CKAP2: variants seen among roughly 807,000 people sequenced by gnomAD.
The protein encoded by CKAP2 is cytoskeleton-associated protein 2.
CKAP2 carries 46 observed loss-of-function variants against 58.4 expected under a neutral mutation model. The ratio of observed to expected loss-of-function variants is 0.79; its 90% confidence interval spans 0.62 to 1.01. The LOEUF is 1.01. Among genes scored for constraint, CKAP2 ranks in the 50% least tolerant of loss-of-function variants. The pLI, the probability that CKAP2 is intolerant of heterozygous loss-of-function variation, is 0.00. For missense variants in CKAP2, 809 were observed against 796.4 expected (o/e 1.02, Z -0.19); for synonymous variants, 293 against 280.9 (o/e 1.04, Z -0.43).
chr13:52,460,454 T>C (rs1015358026), intron 2 of CKAP2, among the ~76,000 whole-genome samples: 2 of 148,324 alleles, frequency 1.3e-5, no homozygotes, highest in African/African-American at 5.1e-5. Flanking sequence ...GTTTACACTA[T>C]TTTTTTTTGA....
In CKAP2 at chr13:52,461,679, C is replaced by T; in HGVS notation, c.853C>T (p.His285Tyr). Residue 285 changes from histidine to tyrosine, a missense_variant, in exon 4 of 9, where the codon CAT (histidine) becomes TAT (tyrosine). Physicochemically the swap from His to Tyr is moderately conservative, Grantham distance 83. Around this residue, in one of 3 missense-constraint regions of CKAP2, gnomAD observed 523 missense variants for 492.4 expected, o/e 1.06. Transcript: ENST00000258607. ...SANVTIRKGP[H>Y]EKELLQSKTA... is the part of the protein sequence containing the mutation. ...CAATGTTACAATCCGGAAAGGGCCT[C>T]ATGAAAAAGAACTATTACAATCAAA... The T allele has an allele frequency of 6.2e-7, 1 of 1,613,982 alleles. No homozygotes were observed. The highest frequency in any genetic ancestry group is 8.5e-7 in the Non-Finnish European group (1 of 1,179,988).
At chr13:52,468,195 A>AT in intron 6 of CKAP2, 83 bp from the exon 7 acceptor site, 1 of 793,216 alleles carries the variant, frequency 1.3e-6, no homozygotes, top group Non-Finnish European at 2.1e-6. Context: ...CAGTATGAAA[A>AT]TTTAATCGCG....
In CKAP2 at chr13:52,465,413, C is replaced by G. The variant is rs757862089; in HGVS notation, c.1424C>G (p.Pro475Arg). 4 of 1,613,448 alleles carry G rather than the reference C, an allele frequency of 2.5e-6. No individual in the cohort carries two copies. The highest frequency in any genetic ancestry group is 1.7e-5 in the Admixed American group (1 of 59,984). The part of the protein sequence containing the change: ...CLALIEPITS[P>R]IENIIAIYEK... ...GCACTTATTGAACCAATCACAAGTC[C>G]TATTGAAAATATTATTGCAATCTAT... Residue 475 changes from proline (P) to arginine (R), a missense_variant, in exon 6 of 9, where the codon CCT becomes CGT. This residue lies in a region of CKAP2 where 283 missense variants were observed against 287.6 expected (regional missense o/e 0.98). Transcript: ENST00000258607.
intron 7 of CKAP2, among the ~76,000 whole-genome samples, chr13:52,472,258 T>C (rs1958770542): frequency 6.6e-6 from 1 of 152,224 alleles, no homozygotes; most frequent in African/African-American, 2.4e-5. Flanking sequence ...TAGTTGTTTG[T>C]CCTGTCTTTT....
rs777815052 is a variant in CKAP2 at position 52,473,981 on chromosome 13, A to C, written c.1699A>C (p.Asn567His). The stretch of plus-strand genomic sequence containing the variant: ...TCAAGATTGTGAAAAAGAGCAAGAC[A>C]ACAAAACAAAAGATCCAACCCATGA... The part of the protein sequence containing the change: ...LFQDCEKEQD[N>H]KTKDPTHDVK... Residue 567 changes from asparagine (N) to histidine (H), a missense_variant, in exon 8 of 9, where the codon AAC becomes CAC. Around this residue, in one of 3 missense-constraint regions of CKAP2, gnomAD observed 283 missense variants for 287.6 expected, o/e 0.98. Coordinates refer to ENST00000258607, the MANE Select transcript of CKAP2 (RefSeq NM_018204.5). 8 of 1,614,154 alleles carry C rather than the reference A, an allele frequency of 5.0e-6. No individual in the cohort carries two copies. In the East Asian group the frequency reaches 1.1e-4, roughly 22 times the overall value.
chr13:52,475,064 G>A lies in CKAP2; in HGVS notation c.1972G>A (p.Gly658Arg), dbSNP rs1391338760. The A allele has an allele frequency of 5.6e-6, 9 of 1,614,172 alleles. No homozygotes were observed. Among genetic ancestry groups the A allele is most frequent in the Middle Eastern group, 3.3e-4 (2 of 6,062 alleles). ...TTCATTGGAACAGCTAACGGAGTTG[G>A]GAAGAGAAACTGATGCTTTTGTATG... ...VSSLEQLTEL[G>R]RETDAFVCRP... Residue 658 changes from glycine to arginine, a missense_variant, in exon 9 of 9, where the codon GGA becomes AGA. Transcript: ENST00000258607.
At chr13:52,455,940 G>T in intron 1 of CKAP2, 1 of 1,149,726 alleles carries the variant, frequency 8.7e-7, no homozygotes, top group Non-Finnish European at 1.1e-6. Flanking sequence ...GGGTCCGCTT[G>T]GGGGCGGGGC....
chr13:52,467,506 C>A (rs890754160), intron 6 of CKAP2, among the ~76,000 whole-genome samples: 1 of 152,036 alleles, frequency 6.6e-6, no homozygotes, highest in African/African-American at 2.4e-5. Flanking sequence ...GTCAGGAGTT[C>A]AAGCAAGCCT....
In CKAP2 at chr13:52,461,320, A is replaced by G. The variant is rs538606264; in HGVS notation, c.494A>G (p.Gln165Arg). The G allele has an allele frequency of 3.5e-4, 565 of 1,614,180 alleles. 5 individuals are homozygous for G. The South Asian group carries it at 5.8e-3, about 17-fold the overall frequency. The change falls in exon 4 of 9, where the codon CAA (glutamine) becomes CGA (arginine). Residue 165 changes from glutamine (Q) to arginine (R), a missense_variant. Around this residue, in one of 3 missense-constraint regions of CKAP2, gnomAD observed 523 missense variants for 492.4 expected, o/e 1.06. Coordinates refer to ENST00000258607, the MANE Select transcript of CKAP2 (RefSeq NM_018204.5). ...CAAATGACTACAGAAAAACAAAAGC[A>G]AGATGCTAACATGCCCAAGAAACCT... ...KKQMTTEKQK[Q>R]DANMPKKPVL...
intron 5 of CKAP2, among the ~76,000 whole-genome samples, chr13:52,465,003 A>T (rs1217614286): frequency 6.6e-6 from 1 of 152,184 alleles, no homozygotes; most frequent in African/African-American, 2.4e-5. Flanking sequence ...ATTCATTTTA[A>T]TCTTAATATC....
chr13:52,456,432 A>G (rs1163135767), intron 1 of CKAP2, 91 bp from the exon 2 acceptor site: 4 of 1,046,332 alleles, frequency 3.8e-6, no homozygotes, highest in South Asian at 2.8e-5. Context: ...CCAGCTTTGG[A>G]AGTAAACTCT....
intron 6 of CKAP2, among the ~76,000 whole-genome samples, chr13:52,467,442 C>T (rs566735824): frequency 3.9e-5 from 6 of 152,198 alleles, no homozygotes; most frequent in African/African-American, 7.2e-5. Context: ...CTAGGCCAGG[C>T]GTGGTGGCTC....
chr13:52,457,612 T>C (rs754311136), intron 2 of CKAP2, among the ~76,000 whole-genome samples: 5 of 152,152 alleles, frequency 3.3e-5, no homozygotes, highest in Non-Finnish European at 7.3e-5. Context: ...CCCAGCACTT[T>C]AGGAGGCTGA....
At position 52,475,262 on chromosome 13, in the gene CKAP2, A is replaced by T. The variant is rs1394427935; in HGVS notation, c.*121A>T. On this transcript the variant is annotated 3_prime_UTR_variant, in exon 9 of 9. Transcript: ENST00000258607. Reference sequence around the variant, plus strand: ...ATGTACCTATGTATCCTAAGCATTCACGGCAGTGAGCTCCTTTACTAACAT... The same window carrying T: ...ATGTACCTATGTATCCTAAGCATTCTCGGCAGTGAGCTCCTTTACTAACAT... 8.3e-6 allele frequency: 10 copies of T among 1,209,724 alleles called. No individual in the cohort carries two copies. Among genetic ancestry groups the T allele is most frequent in the Non-Finnish European group, 1.1e-5 (10 of 876,980 alleles). The allele number at this position is 1,209,724 out of a possible 1,614,324, so 74.9% of individuals were successfully genotyped here.
At chr13:52,472,851 C>T (rs917618908) in intron 7 of CKAP2, among the ~76,000 whole-genome samples, 1 of 152,130 alleles carries the variant, frequency 6.6e-6, no homozygotes, top group Non-Finnish European at 1.5e-5. Context: ...TCGAGACCAT[C>T]CTTGGCAACA....
At chr13:52,466,741 G>T (rs1228481697) in intron 6 of CKAP2, among the ~76,000 whole-genome samples, 2 of 152,190 alleles carry the variant, frequency 1.3e-5, no homozygotes, top group African/African-American at 2.4e-5. Context: ...GGGAGGCCAA[G>T]GTGGGAGGAT....
intron 1 of CKAP2, 194 bp from the exon 2 acceptor site, chr13:52,456,329 C>G: frequency 1.5e-6 from 1 of 669,170 alleles, no homozygotes; most frequent in Non-Finnish European, 2.2e-6. Context: ...GTTTTGGGGA[C>G]CTGTTGTGGT....
At chr13:52,463,735 G>C (rs1234213554) in intron 5 of CKAP2, among the ~76,000 whole-genome samples, 1 of 152,150 alleles carries the variant, frequency 6.6e-6, no homozygotes, top group East Asian at 1.9e-4. Context: ...CATTCTGCTG[G>C]GTGGCTTTTT....
intron 2 of CKAP2, among the ~76,000 whole-genome samples, chr13:52,458,981 C>T (rs991653212): frequency 7.2e-5 from 11 of 152,168 alleles, no homozygotes; most frequent in Admixed American, 5.2e-4. Flanking sequence ...TTTACAATCT[C>T]TAAAGTATAG....
Sources: allele counts gnomAD v4.1 joint callset (sites outside exome capture counted in the v4.1 genomes callset), GRCh38; gene constraint gnomAD v4.1.1; regional missense constraint gnomAD v4.1.1; transcripts MANE v1.5; gene names NCBI Gene and HGNC (gene_info 2026-07-23, HGNC 2026-07-21).